Variants in PHACTR3 observed in about 807,000 individuals in gnomAD.
PHACTR3 encodes protein phosphatase 1, regulatory subunit 123.
Under a neutral mutation model 66.8 loss-of-function variants are expected in PHACTR3, and 16 were observed. The ratio of observed to expected loss-of-function variants is 0.24; its 90% CI spans 0.16 to 0.36. PHACTR3 has a LOEUF of 0.36. Among genes scored for constraint, PHACTR3 ranks in the 10% least tolerant of loss-of-function variants. PHACTR3 has a pLI of 1.00. For synonymous variants in PHACTR3, 323 were observed against 292.1 expected, an observed-to-expected ratio of 1.11 and a Z score of -1.08; for missense variants, 647 against 719.9, an observed-to-expected ratio of 0.90 and a Z score of 1.16.
At chr20:59,745,335 G>A (rs534201665) in intron 2 of PHACTR3, among the ~76,000 whole-genome samples, 200 of 152,282 alleles carry the variant, frequency 1.3e-3, no homozygotes, top group African/African-American at 4.6e-3. Context: ...GGAACTGGAA[G>A]GCTGAGGTTT....
intron 1 of PHACTR3, among the ~76,000 whole-genome samples, chr20:59,698,747 A>T (rs1438803360): frequency 2.6e-5 from 4 of 152,210 alleles, no homozygotes; most frequent in Non-Finnish European, 5.9e-5. Context: ...TGTTTGCAGC[A>T]AACATTTATT....
intron 1 of PHACTR3, among the ~76,000 whole-genome samples, chr20:59,696,144 G>A (rs2037289342): frequency 6.6e-6 from 1 of 152,220 alleles, no homozygotes; most frequent in Non-Finnish European, 1.5e-5. Flanking sequence ...AGTGAACATA[G>A]TGCCAAGTTT....
intron 1 of PHACTR3, among the ~76,000 whole-genome samples, chr20:59,732,693 A>G (rs1263145662): frequency 6.6e-6 from 1 of 152,124 alleles, no homozygotes; most frequent in Non-Finnish European, 1.5e-5. Context: ...GTCGGGAGTC[A>G]GTGGGACAGC....
chr20:59,682,678 C>A (rs1479984362), intron 1 of PHACTR3, among the ~76,000 whole-genome samples: 1 of 152,190 alleles, frequency 6.6e-6, no homozygotes, highest in Non-Finnish European at 1.5e-5. Context: ...TTGAGCAAAG[C>A]CGTGAAGGCG....
chr20:59,611,687 T>A (rs962099866), intron 1 of PHACTR3, among the ~76,000 whole-genome samples: 7 of 152,152 alleles, frequency 4.6e-5, no homozygotes, highest in African/African-American at 1.7e-4. Flanking sequence ...GGAGGCTGTG[T>A]CTCCCCTACC....
At chr20:59,846,409 A>G (rs943725249) in intron 12 of PHACTR3, among the ~76,000 whole-genome samples, 1 of 152,186 alleles carries the variant, frequency 6.6e-6, no homozygotes, top group Non-Finnish European at 1.5e-5. Context: ...TCCCATGACT[A>G]ACATACTTTT....
At chr20:59,659,269 G>T (rs1010679538) in intron 1 of PHACTR3, among the ~76,000 whole-genome samples, 3 of 151,090 alleles carry the variant, frequency 2.0e-5, no homozygotes, top group African/African-American at 7.3e-5. Context: ...TATACTACAT[G>T]TCAGGCATTC....
At chr20:59,609,538 C>T (rs1291185238) in intron 1 of PHACTR3, among the ~76,000 whole-genome samples, 1 of 150,480 alleles carries the variant, frequency 6.6e-6, no homozygotes, top group Non-Finnish European at 1.5e-5. Flanking sequence ...TGGACAACCT[C>T]AACACTGAGT....
At chr20:59,750,361 G>A (rs115258788) in intron 3 of PHACTR3, among the ~76,000 whole-genome samples, 2,109 of 152,226 alleles carry the variant, frequency 0.014, 49 homozygotes, top group African/African-American at 0.048. Flanking sequence ...AATTAGATGC[G>A]CTGGGCGTGG....
chr20:59,638,477 G>A (rs139069699), intron 1 of PHACTR3, among the ~76,000 whole-genome samples: 18 of 149,336 alleles, frequency 1.2e-4, no homozygotes, highest in African/African-American at 4.4e-4. Flanking sequence ...TGGGTGGATG[G>A]ATGGATGGAT....
intron 1 of PHACTR3, among the ~76,000 whole-genome samples, chr20:59,735,162 T>C (rs1300580123): frequency 2.0e-5 from 3 of 152,192 alleles, no homozygotes; most frequent in Non-Finnish European, 4.4e-5. Context: ...GCTTCTATTG[T>C]GGCTCATGTC....
chr20:59,599,705 CA>C (rs1013201099), upstream of PHACTR3, among the ~76,000 whole-genome samples: 23 of 152,252 alleles, frequency 1.5e-4, no homozygotes, highest in African/African-American at 5.3e-4. Context: ...CAAAACAAAA[CA>C]AAACAAACCC....
chr20:59,610,240 G>A (rs2033807437), intron 1 of PHACTR3, among the ~76,000 whole-genome samples: 1 of 152,192 alleles, frequency 6.6e-6, no homozygotes, highest in African/African-American at 2.4e-5. Flanking sequence ...GCGTGACAGA[G>A]GTAGACCCTG....
chr20:59,652,001 A>G (rs1451477399), intron 1 of PHACTR3, among the ~76,000 whole-genome samples: 2 of 152,240 alleles, frequency 1.3e-5, no homozygotes, highest in Non-Finnish European at 2.9e-5. Flanking sequence ...ATGGAGCTCC[A>G]GGAAAGCTGA....
At chr20:59,700,342 A>C (rs2037455984) in intron 1 of PHACTR3, among the ~76,000 whole-genome samples, 1 of 152,232 alleles carries the variant, frequency 6.6e-6, no homozygotes, top group South Asian at 2.1e-4. Context: ...ATAATCTTTT[A>C]ACCATGTATG....
chr20:59,629,588 C>G (rs563580574), intron 1 of PHACTR3, among the ~76,000 whole-genome samples: 1 of 152,342 alleles, frequency 6.6e-6, no homozygotes, highest in South Asian at 2.1e-4. Context: ...CTCCCTGGTT[C>G]TCTTCACATG....
At chr20:59,735,669 C>T (rs1438709420) in intron 1 of PHACTR3, among the ~76,000 whole-genome samples, 2 of 152,122 alleles carry the variant, frequency 1.3e-5, no homozygotes, top group Non-Finnish European at 2.9e-5. Flanking sequence ...TTCACAGGGT[C>T]GAGCAGGTGT....
intron 1 of PHACTR3, among the ~76,000 whole-genome samples, chr20:59,728,102 C>T (rs6064830): frequency 0.14 from 20,872 of 152,208 alleles, 1,761 homozygotes; most frequent in East Asian, 0.37. Context: ...ATGATATTGG[C>T]ATCTGCCACA....
At chr20:59,814,981 G>A (rs1027298153) in intron 8 of PHACTR3, among the ~76,000 whole-genome samples, 11 of 152,104 alleles carry the variant, frequency 7.2e-5, no homozygotes, top group African/African-American at 2.4e-4. Flanking sequence ...TCATATTGCT[G>A]AGAAGGGAGT....
Sources: allele counts gnomAD v4.1 joint callset (sites outside exome capture counted in the v4.1 genomes callset), GRCh38; gene constraint gnomAD v4.1.1; transcripts MANE v1.5; gene names NCBI Gene and HGNC (gene_info 2026-07-23, HGNC 2026-07-21).